Variants in NEK10 observed in about 807,000 individuals in gnomAD.
The protein encoded by NEK10 is serine/threonine-protein kinase Nek10.
A neutral mutation model predicts 159.8 loss-of-function variants in NEK10; 122 were observed. That is an observed-to-expected ratio of 0.76 (90% CI 0.66 to 0.89). NEK10 has a LOEUF of 0.89. NEK10 is among the 40% of genes least tolerant of loss of function. The pLI is 0.00. For missense variants in NEK10, 1,342 were observed against 1,323.1 expected (o/e 1.01, Z -0.22); for synonymous variants, 466 against 457.1 (o/e 1.02, Z -0.25).
At chr3:27,324,510 C>T (rs1022715682) in intron 5 of NEK10, among the ~76,000 whole-genome samples, 1 of 152,202 alleles carries the variant, frequency 6.6e-6, no homozygotes, top group Non-Finnish European at 1.5e-5. Context: ...ATTTCCCTCA[C>T]ATTCTTTGCC....
chr3:27,133,771 T>C lies in NEK10; in HGVS notation c.2971-1781A>G, dbSNP rs150220598. Among the ~76,000 whole-genome samples the C allele has an allele frequency of 4.1e-3, 629 of 152,218 alleles. 4 individuals carry two copies. The highest frequency in any genetic ancestry group is 0.014 in the African/African-American group (598 of 41,536). ...CCTGGGCAATGAGAGCGAAACTCCATCTCAAAAAATAAAAAATGTATCTTT... is the reference window on the plus strand; with the variant it reads ...CCTGGGCAATGAGAGCGAAACTCCACCTCAAAAAATAAAAAATGTATCTTT... On this transcript the variant is annotated intron_variant, in intron 31 of 35. Transcript: ENST00000691995.
Position 27,119,767 on chromosome 3 carries a change from G to A in NEK10, c.3183C>T (p.Asp1061=), listed in dbSNP as rs551449613. 1.6e-5 allele frequency: 25 copies of A among 1,612,222 alleles called. No individual in the cohort carries two copies. In the South Asian group the frequency reaches 2.7e-4, roughly 18 times the overall value. ...SSGGNSLSPN[D]PTGLPTSIEL... ...CATGTTGATCACTATTACCTGTAGG[G>A]TCATTTGGGGACAGGCTGTTTCCAC... is the stretch of plus-strand genomic sequence containing the variant. Residue 1061 remains aspartate, a synonymous_variant, in exon 33 of 36, where the codon GAC becomes GAT. Transcript: ENST00000691995.
At chr3:27,295,251 T>C (rs1041741791) in intron 15 of NEK10, among the ~76,000 whole-genome samples, 2 of 152,132 alleles carry the variant, frequency 1.3e-5, no homozygotes, top group Non-Finnish European at 2.9e-5. Context: ...TATCCCCTTA[T>C]CCACTTGGCA....
chr3:27,294,088 G>A (rs138059289), intron 15 of NEK10, among the ~76,000 whole-genome samples: 110 of 152,264 alleles, frequency 7.2e-4, no homozygotes, highest in East Asian at 3.1e-3. Flanking sequence ...AAAAATAGCC[G>A]CAGGCACACT....
At position 27,312,126 on chromosome 3, in the gene NEK10, TGTGCTGCTCTTCTCCATAG is replaced by T. The variant is rs2044746134; in HGVS notation, c.522_540del (p.Tyr175LeufsTer8). ...GTCATGTTGACCAGCTTGTCCACAG[TGTGCTGCTCTTCTCCATAG>T]CCGAGGTACTCATTGGCTACAATCT... On this transcript the variant is annotated frameshift_variant, in exon 8 of 36. Transcript: ENST00000691995. LOFTEE classifies it high-confidence loss of function. 5 of 1,612,694 alleles carry T rather than the reference TGTGCTGCTCTTCTCCATAG, an allele frequency of 3.1e-6. No homozygotes were observed. Among genetic ancestry groups the T allele is most frequent in the Non-Finnish European group, 4.2e-6 (5 of 1,179,170 alleles).
intron 11 of NEK10, among the ~76,000 whole-genome samples, chr3:27,305,210 C>A (rs542772416): frequency 3.9e-5 from 6 of 152,156 alleles, no homozygotes; most frequent in Non-Finnish European, 7.4e-5. Flanking sequence ...CAGCCATAGA[C>A]AACATATAAA....
At chr3:27,283,329 T>C (rs1051576208) in intron 22 of NEK10, among the ~76,000 whole-genome samples, 1 of 151,840 alleles carries the variant, frequency 6.6e-6, no homozygotes, top group Non-Finnish European at 1.5e-5. Context: ...CCAATGGGAG[T>C]AGGGGCAGCA....
chr3:27,203,829 G>C (rs1016711366), intron 23 of NEK10, among the ~76,000 whole-genome samples: 1 of 152,128 alleles, frequency 6.6e-6, no homozygotes, highest in Admixed American at 6.6e-5. Flanking sequence ...GTATGTATTT[G>C]CAAAGAAAAG....
At chr3:27,147,537 C>T (rs1358411451) in intron 30 of NEK10, among the ~76,000 whole-genome samples, 1 of 152,236 alleles carries the variant, frequency 6.6e-6, no homozygotes, top group Non-Finnish European at 1.5e-5. Context: ...TCATTTGAAA[C>T]TTCAGGAATA....
At chr3:27,206,911 G>C (rs1460963219) in intron 23 of NEK10, among the ~76,000 whole-genome samples, 3 of 152,136 alleles carry the variant, frequency 2.0e-5, no homozygotes, top group Non-Finnish European at 4.4e-5. Context: ...CCCTGGGCCT[G>C]TGACTGTCTT....
At chr3:27,278,704 G>A (rs1204262842) in intron 22 of NEK10, 53 of 984,106 alleles carry the variant, frequency 5.4e-5, no homozygotes, top group East Asian at 2.3e-4. Context: ...TTATTTGAAA[G>A]CAGAGGAGGC....
intron 23 of NEK10, among the ~76,000 whole-genome samples, chr3:27,207,514 G>A (rs1950628184): frequency 1.3e-5 from 2 of 151,990 alleles, no homozygotes; most frequent in South Asian, 4.2e-4. Flanking sequence ...GACACAGTGA[G>A]GGCTAAATTG....
At chr3:27,130,858 T>C (rs1021774345) in intron 32 of NEK10, among the ~76,000 whole-genome samples, 2 of 152,194 alleles carry the variant, frequency 1.3e-5, no homozygotes, top group African/African-American at 4.8e-5. Context: ...TTGGCCCTAT[T>C]TGCCAACACA....
chr3:27,356,329 T>A (rs565084715), intron 1 of NEK10, among the ~76,000 whole-genome samples: 2 of 152,084 alleles, frequency 1.3e-5, no homozygotes, highest in Non-Finnish European at 2.9e-5. Flanking sequence ...CTGGGCAACA[T>A]ACCAAGACTC....
At chr3:27,263,250 T>G (rs7621498) in intron 22 of NEK10, among the ~76,000 whole-genome samples, 39,031 of 151,984 alleles carry the variant, frequency 0.26, 5,153 homozygotes, top group Middle Eastern at 0.38. Context: ...TCCCAGTTAG[T>G]CTAATCGGGG....
In NEK10 at chr3:27,291,353, C is replaced by T; in HGVS notation, c.1514G>A (p.Ser505Asn). 2 of 1,612,014 alleles carry T rather than the reference C, an allele frequency of 1.2e-6. No homozygotes were observed. The highest frequency in any genetic ancestry group is 1.7e-6 in the Non-Finnish European group (2 of 1,178,684). ...CAAAGGAGCTTTGTTCTGATTAATG[C>T]TTTCAATATTTTCAGCAATTTGCTT... Reference protein sequence around the residue: ...ELKQIAENIESINQNKAPLKY... With the variant: ...ELKQIAENIENINQNKAPLKY... The change falls in exon 18 of 36, where the codon AGC becomes AAC. Residue 505 changes from serine (S) to asparagine (N), a missense_variant. Transcript: ENST00000691995.
chr3:27,218,680 C>T (rs144259008), intron 23 of NEK10, among the ~76,000 whole-genome samples: 10 of 137,616 alleles, frequency 7.3e-5, no homozygotes, highest in South Asian at 2.3e-4. Context: ...AAAGCAAGGA[C>T]GGCTTAAAAT....
At chr3:27,368,253 C>T (rs1018408408) in intron 1 of NEK10, among the ~76,000 whole-genome samples, 1 of 152,054 alleles carries the variant, frequency 6.6e-6, no homozygotes, top group Non-Finnish European at 1.5e-5. Flanking sequence ...GATCGCTCCA[C>T]TGCACTCCAG....
intron 31 of NEK10, among the ~76,000 whole-genome samples, chr3:27,134,936 C>A (rs188328322): frequency 6.6e-6 from 1 of 152,124 alleles, no homozygotes; most frequent in Admixed American, 6.6e-5. Context: ...CTCATTTATG[C>A]GCAGTCTCAC....
Sources: gnomAD v4.1 joint callset for allele counts (sites outside exome capture counted in the v4.1 genomes callset) on GRCh38, gnomAD v4.1.1 for gene constraint, MANE v1.5 for transcripts, NCBI Gene and HGNC (gene_info 2026-07-23, HGNC 2026-07-21) for gene names.